ISCA2: variants seen among roughly 807,000 people sequenced by gnomAD.
ISCA2 encodes the protein iron-sulfur cluster assembly 2 homolog, mitochondrial.
A neutral mutation model predicts 19.1 loss-of-function variants in ISCA2; 21 were observed. The ratio of observed to expected loss-of-function variants is 1.10; its 90% CI spans 0.78 to 1.59. The LOEUF (loss-of-function observed/expected upper bound fraction) is 1.59, where lower values mean the gene tolerates loss of function less well. ISCA2 is among the 40% of genes most tolerant of loss of function. The pLI, the probability that ISCA2 is intolerant of heterozygous loss-of-function variation, is 0.00. For missense variants in ISCA2, 181 were observed against 191.7 expected, an observed-to-expected ratio of 0.94 and a Z score of 0.33; for synonymous variants, 107 against 83.8, an observed-to-expected ratio of 1.28 and a Z score of -1.51.
chr14:74,494,276 G>A lies in ISCA2; in HGVS notation c.176G>A (p.Arg59Lys), dbSNP rs145780483. ...QIRLTDSCVQ[R>K]LLEITEGSEF... ...TTGATCCCCCTTCCTGCATTTCAGAGGCTTTTGGAAATCACCGAAGGGTCA... is the reference window on the plus strand; with the variant it reads ...TTGATCCCCCTTCCTGCATTTCAGAAGCTTTTGGAAATCACCGAAGGGTCA... Residue 59 changes from arginine to lysine, a missense_variant and splice_region_variant, in exon 3 of 4, where the codon AGG (arginine) becomes AAG (lysine). Coordinates refer to ENST00000556816, the MANE Select transcript of ISCA2 (RefSeq NM_194279.4). 1.2e-6 allele frequency: 2 copies of A among 1,613,354 alleles called. No homozygotes were observed. Among genetic ancestry groups the A allele is most frequent in the African/African-American group, 1.3e-5 (1 of 74,906 alleles).
At chr14:74,494,801 T>C in intron 3 of ISCA2, 25 bp from the exon 4 acceptor site, 4 of 1,611,116 alleles carry the variant, frequency 2.5e-6, no homozygotes, top group Non-Finnish European at 3.4e-6. Flanking sequence ...CGATACTCCT[T>C]AATGCCTTCC....
Position 74,494,334 on chromosome 14 carries a change from A to G in ISCA2, c.234A>G (p.Gly78=). ...EFLRLQVEGG[G]CSGFQYKFSL... The stretch of plus-strand genomic sequence containing the variant: ...TCAGGCTGCAAGTGGAGGGAGGTGG[A>G]TGCTCCGGATTCCAATACAAATTTT... The change falls in exon 3 of 4, where the codon GGA becomes GGG. Residue 78 remains glycine (G), a synonymous_variant. Transcript: ENST00000556816. 6.2e-7 allele frequency: 1 copy of G among 1,614,194 alleles called. No homozygotes were observed. The highest frequency in any genetic ancestry group is 8.5e-7 in the Non-Finnish European group (1 of 1,180,034).
chr14:74,494,455 G>A, intron 3 of ISCA2, 65 bp downstream of exon 3: 4 of 1,187,200 alleles, frequency 3.4e-6, no homozygotes, highest in Admixed American at 1.7e-5. Flanking sequence ...CCAGTTTAAG[G>A]TGCACTTTTA....
rs552962701 is a variant in ISCA2 at position 74,495,394 on chromosome 14, C to T, written c.*394C>T. The T allele has an allele frequency of 1.2e-3, 188 of 157,504 alleles. No individual in the cohort carries two copies. Among genetic ancestry groups the T allele is most frequent in the African/African-American group, 4.4e-3 (182 of 41,760 alleles). The allele number at this position is 157,504 out of a possible 1,614,324, so 9.8% of individuals were successfully genotyped here. A position where few individuals can be genotyped will look rare whatever the true frequency, so the allele number is the denominator to read the frequency against. On this transcript the variant is annotated 3_prime_UTR_variant, in exon 4 of 4. Coordinates refer to ENST00000556816, the MANE Select transcript of ISCA2 (RefSeq NM_194279.4). ...TTCTTATTGTGTTGTGGATCAGGGT[C>T]ACAGATTGGGTAGCTTGGACACCAG...
Position 74,494,912 on chromosome 14 carries a change from A to T in ISCA2, c.377A>T (p.Glu126Val), listed in dbSNP as rs1167339418. 6.2e-7 allele frequency: 1 copy of T among 1,614,146 alleles called. No individual in the cohort carries two copies. Among genetic ancestry groups the T allele is most frequent in the East Asian group, 2.2e-5 (1 of 44,884 alleles). Residue 126 changes from glutamate to valine, a missense_variant, in exon 4 of 4, where the codon GAA becomes GTA. Physicochemically the swap from Glu to Val is moderately radical, Grantham distance 121. Coordinates refer to ENST00000556816, the MANE Select transcript of ISCA2 (RefSeq NM_194279.4). The part of the protein sequence containing the change: ...VKGAQVDFSQ[E>V]LIRSSFQVLN... ...GGGGCCCAGGTGGACTTCAGCCAAGAACTGATCCGAAGCTCATTTCAAGTG... is the reference window on the plus strand; with the variant it reads ...GGGGCCCAGGTGGACTTCAGCCAAGTACTGATCCGAAGCTCATTTCAAGTG...
rs769431371 is a variant in ISCA2 at position 74,494,927 on chromosome 14, C to A, written c.392C>A (p.Ser131Ter). 4.3e-6 allele frequency: 7 copies of A among 1,614,050 alleles called. No homozygotes were observed. In the East Asian group the frequency reaches 1.6e-4, roughly 36 times the overall value. Reference protein sequence around the residue: ...VDFSQELIRSSFQVLNNPQAQ... With the variant: ...VDFSQELIRS ...TTCAGCCAAGAACTGATCCGAAGCTCATTTCAAGTGTTGAACAATCCTCAA... is the reference window on the plus strand; with the variant it reads ...TTCAGCCAAGAACTGATCCGAAGCTAATTTCAAGTGTTGAACAATCCTCAA... Residue 131 changes from serine (S) to a stop codon, truncating the protein, a stop_gained, in exon 4 of 4, where the codon TCA becomes TAA. Coordinates refer to ENST00000556816, the MANE Select transcript of ISCA2 (RefSeq NM_194279.4). LOFTEE classifies it high-confidence loss of function.
chr14:74,494,418 G>A, intron 3 of ISCA2, 28 bp downstream of exon 3: 1 of 1,487,710 alleles, frequency 6.7e-7, no homozygotes, highest in South Asian at 1.1e-5. Flanking sequence ...GGCCCCCAAA[G>A]GAGGTACAGG....
rs1174291178 is a variant in ISCA2 at position 74,494,123 on chromosome 14, C to T, written c.145C>T (p.Gln49Ter). The T allele has an allele frequency of 6.3e-7, 1 of 1,582,962 alleles. No individual in the cohort carries two copies. Among genetic ancestry groups the T allele is most frequent in the South Asian group, 1.1e-5 (1 of 87,788 alleles). Residue 49 changes from glutamine to a stop codon, truncating the protein, a stop_gained, in exon 2 of 4, where the codon CAG (glutamine) becomes TAG (stop). Transcript: ENST00000556816. LOFTEE classifies it high-confidence loss of function. ...SSSSPEAGEGQIRLTDSCVQR... is the reference protein window; with the variant it reads ...SSSSPEAGEG ...CTCCAGCCCCGAGGCCGGCGAAGGG[C>T]AGATCCGCCTCACAGACAGTTGCGT...
chr14:74,494,316 G>T lies in ISCA2; in HGVS notation c.216G>T (p.Leu72=). ...EITEGSEFLR[L]QVEGGGCSGF... ...CCGAAGGGTCAGAATTCCTCAGGCT[G>T]CAAGTGGAGGGAGGTGGATGCTCCG... Residue 72 remains leucine, a synonymous_variant, in exon 3 of 4, where the codon CTG becomes CTT. Coordinates refer to ENST00000556816, the MANE Select transcript of ISCA2 (RefSeq NM_194279.4). 1 of 1,614,230 alleles carries T rather than the reference G, an allele frequency of 6.2e-7. No homozygotes were observed. The highest frequency in any genetic ancestry group is 8.5e-7 in the Non-Finnish European group (1 of 1,180,034).
Position 74,494,926 on chromosome 14 carries a change from T to C in ISCA2, c.391T>C (p.Ser131Pro). 1 of 1,614,096 alleles carries C rather than the reference T, an allele frequency of 6.2e-7. No homozygotes were observed. Among genetic ancestry groups the C allele is most frequent in the Non-Finnish European group, 8.5e-7 (1 of 1,180,008 alleles). ...CTTCAGCCAAGAACTGATCCGAAGC[T>C]CATTTCAAGTGTTGAACAATCCTCA... The part of the protein sequence containing the change: ...VDFSQELIRS[S>P]FQVLNNPQAQ... Residue 131 changes from serine (S) to proline (P), a missense_variant, in exon 4 of 4, where the codon TCA (serine) becomes CCA (proline). Physicochemically the swap from Ser to Pro is moderately conservative, Grantham distance 74 (BLOSUM62 -1). Transcript: ENST00000556816.
In ISCA2 at chr14:74,496,551, T is replaced by A; in HGVS notation, c.*1551T>A. On this transcript the variant is annotated 3_prime_UTR_variant, in exon 4 of 4. Coordinates refer to ENST00000556816, the MANE Select transcript of ISCA2 (RefSeq NM_194279.4). The stretch of plus-strand genomic sequence containing the variant: ...AGACAGTGCCGCCAGTACCTGCGCC[T>A]GATAGGGTTTCAGTTCAGACTACCT... The A allele has an allele frequency of 6.6e-6, 1 of 152,328 alleles. No individual in the cohort carries two copies. The allele number at this position is 152,328 out of a possible 1,614,324, so 9.4% of individuals were successfully genotyped here.
Position 74,494,094 on chromosome 14 carries a change from C to T in ISCA2, c.116C>T (p.Ser39Leu). The change falls in exon 2 of 4, where the codon TCG becomes TTG. Residue 39 changes from serine (S) to leucine (L), a missense_variant. Physicochemically the swap from Ser to Leu is moderately radical, Grantham distance 145. Transcript: ENST00000556816. ...GGACCCCAGGCGCGTCGGGAGGCGT[C>T]GTCCTCCAGCCCCGAGGCCGGCGAA... ...SLGPQARREA[S>L]SSSPEAGEGQ... is the part of the protein sequence containing the mutation. 1.9e-6 allele frequency: 3 copies of T among 1,567,498 alleles called. No homozygotes were observed. Among genetic ancestry groups the T allele is most frequent in the Non-Finnish European group, 8.6e-7 (1 of 1,160,028 alleles).
At position 74,494,039 on chromosome 14, in the gene ISCA2, C is replaced by A; in HGVS notation, c.72-11C>A. 6.5e-7 allele frequency: 1 copy of A among 1,534,486 alleles called. No individual in the cohort carries two copies. The highest frequency in any genetic ancestry group is 2.5e-5 in the East Asian group (1 of 40,774). The stretch of plus-strand genomic sequence containing the variant: ...TCTGCTCCCGGGCTCACCCTCCTCC[C>A]TTGCGCGCAGGCTCCTCACGGCCTC... On this transcript the variant is annotated splice_polypyrimidine_tract_variant and intron_variant, in intron 1 of 3. Coordinates refer to ENST00000556816, the MANE Select transcript of ISCA2 (RefSeq NM_194279.4).
At position 74,495,032 on chromosome 14, in the gene ISCA2, A is replaced by G; in HGVS notation, c.*32A>G. On this transcript the variant is annotated 3_prime_UTR_variant, in exon 4 of 4. Coordinates refer to ENST00000556816, the MANE Select transcript of ISCA2 (RefSeq NM_194279.4). ...GACTGGTGACTCTGGGATTGTCACC[A>G]GTTGTACCAATTTGAAGAACCTGGA... 1 of 1,527,966 alleles carries G rather than the reference A, an allele frequency of 6.5e-7. No homozygotes were observed. Among genetic ancestry groups the G allele is most frequent in the Non-Finnish European group, 9.0e-7 (1 of 1,109,618 alleles). The allele number at this position is 1,527,966 out of a possible 1,614,324, so 94.7% of individuals were successfully genotyped here. A position where few individuals can be genotyped will look rare whatever the true frequency, so the allele number is the denominator to read the frequency against.
chr14:74,494,999 G>A lies in ISCA2; in HGVS notation c.464G>A (p.Ter155=). 2.5e-6 allele frequency: 4 copies of A among 1,610,692 alleles called. No homozygotes were observed. The highest frequency in any genetic ancestry group is 2.5e-6 in the Non-Finnish European group (3 of 1,178,528). Residue 155 remains the stop codon, a stop_retained_variant, in exon 4 of 4, where the codon TGA becomes TAA. Coordinates refer to ENST00000556816, the MANE Select transcript of ISCA2 (RefSeq NM_194279.4). ...SCGSSFSIKL[*] ...GGGTCATCTTTCTCTATCAAACTTT[G>A]ATGTGATGACTGGTGACTCTGGGAT...
At position 74,494,811 on chromosome 14, in the gene ISCA2, C is replaced by G; in HGVS notation, c.291-15C>G. The G allele has an allele frequency of 6.2e-7, 1 of 1,612,808 alleles. No homozygotes were observed. The highest frequency in any genetic ancestry group is 8.5e-7 in the Non-Finnish European group (1 of 1,179,078). On this transcript the variant is annotated splice_polypyrimidine_tract_variant and intron_variant, in intron 3 of 3. Transcript: ENST00000556816. ...GTTTGCGATACTCCTTAATGCCTTC[C>G]TCCTGTCTTTTCAGGGTATTTGAAC... is the stretch of plus-strand genomic sequence containing the variant.
In ISCA2 at chr14:74,494,421, G is replaced by C. The variant is rs764075500; in HGVS notation, c.290+31G>C. On this transcript the variant is annotated intron_variant, in intron 3 of 3. Coordinates refer to ENST00000556816, the MANE Select transcript of ISCA2 (RefSeq NM_194279.4). ...GAGGAAGGGGTGGGCCCCCAAAGGA[G>C]GTACAGGAGGGACAAAAGTGTCTCC... is the stretch of plus-strand genomic sequence containing the variant. 6.8e-6 allele frequency: 10 copies of C among 1,476,316 alleles called. No individual in the cohort carries two copies. In the Middle Eastern group the frequency reaches 5.2e-4, roughly 76 times the overall value. The allele number at this position is 1,476,316 out of a possible 1,614,324, so 91.5% of individuals were successfully genotyped here.
rs375133115 is a variant in ISCA2 at position 74,494,957 on chromosome 14, A to C, written c.422A>C (p.Gln141Pro). Residue 141 changes from glutamine (Q) to proline (P), a missense_variant, in exon 4 of 4, where the codon CAG becomes CCG. Physicochemically the swap from Gln to Pro is moderately conservative, Grantham distance 76. Coordinates refer to ENST00000556816, the MANE Select transcript of ISCA2 (RefSeq NM_194279.4). ...SFQVLNNPQA[Q>P]QGCSCGSSFS... Reference sequence around the variant, plus strand: ...CAAGTGTTGAACAATCCTCAAGCACAGCAAGGCTGCTCCTGTGGGTCATCT... The same window carrying C: ...CAAGTGTTGAACAATCCTCAAGCACCGCAAGGCTGCTCCTGTGGGTCATCT... The C allele has an allele frequency of 1.2e-6, 2 of 1,613,628 alleles. No homozygotes were observed. The highest frequency in any genetic ancestry group is 4.5e-5 in the East Asian group (2 of 44,886).
rs201908228 is a variant in ISCA2 at position 74,494,896 on chromosome 14, G to T, written c.361G>T (p.Val121Leu). ...DSLAFVKGAQ[V>L]DFSQELIRSS... ...CTTGGCCTTCGTGAAAGGGGCCCAG[G>T]TGGACTTCAGCCAAGAACTGATCCG... is the stretch of plus-strand genomic sequence containing the variant. The change falls in exon 4 of 4, where the codon GTG (valine) becomes TTG (leucine). Residue 121 changes from valine (V) to leucine (L), a missense_variant. Physicochemically the swap from Val to Leu is conservative, Grantham distance 32 (BLOSUM62 1). Transcript: ENST00000556816. The T allele has an allele frequency of 8.3e-5, 134 of 1,614,122 alleles. 1 individual carries two copies. The Middle Eastern group carries it at 3.3e-3, about 40-fold the overall frequency.
Sources: allele counts gnomAD v4.1 joint callset, GRCh38; gene constraint gnomAD v4.1.1; transcripts MANE v1.5; gene names NCBI Gene and HGNC (gene_info 2026-07-23, HGNC 2026-07-21).